Variants in TPRG1 observed in about 807,000 individuals in gnomAD.
The protein encoded by TPRG1 is tumor protein p63 regulated 1, also known as tumor protein p63-regulated gene 1 protein.
In TPRG1, 29 loss-of-function variants were observed where a neutral mutation model predicts 29.3. The observed-to-expected ratio is 0.99, with a 90% CI of 0.74 to 1.35. The LOEUF (loss-of-function observed/expected upper bound fraction) is 1.35. Among genes scored for constraint, TPRG1 ranks in the 40% most tolerant of loss-of-function variants. The pLI is 0.00. For synonymous variants in TPRG1, 130 were observed against 116.8 expected, an observed-to-expected ratio of 1.11 and a Z score of -0.73; for missense variants, 327 against 335.0, an observed-to-expected ratio of 0.98 and a Z score of 0.19.
At chr3:189,281,507 C>T (rs1250783848) in intron 4 of TPRG1, among the ~76,000 whole-genome samples, 1 of 152,094 alleles carries the variant, frequency 6.6e-6, no homozygotes, top group Non-Finnish European at 1.5e-5. Context: ...TATCCTGAGC[C>T]AATCACCCAT....
intron 1 of TPRG1, among the ~76,000 whole-genome samples, chr3:189,100,413 A>G (rs1470678640): frequency 2.0e-5 from 3 of 152,202 alleles, no homozygotes; most frequent in African/African-American, 4.8e-5. Flanking sequence ...ACCTCCTCCA[A>G]GAATCCTTGC....
At chr3:189,154,243 A>T (rs1008031688) in intron 5 of TPRG1, among the ~76,000 whole-genome samples, 7 of 152,226 alleles carry the variant, frequency 4.6e-5, no homozygotes, top group African/African-American at 1.7e-4. Context: ...GAAAGCTGGC[A>T]AAGTGAAGAT....
At chr3:189,006,182 C>A (rs771880810) in intron 3 of TPRG1, among the ~76,000 whole-genome samples, 5 of 152,094 alleles carry the variant, frequency 3.3e-5, no homozygotes, top group Non-Finnish European at 5.9e-5. Context: ...ACTAAGCACA[C>A]TTTCTTGCAG....
chr3:189,186,553 A>G (rs935563356), intron 1 of TPRG1, among the ~76,000 whole-genome samples: 24 of 152,232 alleles, frequency 1.6e-4, no homozygotes, highest in Non-Finnish European at 3.4e-4. Context: ...TTACAGTAGG[A>G]TAAAAATGAT....
chr3:189,173,971 G>C (rs1729160294), intron 1 of TPRG1, among the ~76,000 whole-genome samples: 1 of 152,164 alleles, frequency 6.6e-6, no homozygotes, highest in Admixed American at 6.5e-5. Context: ...TCGGCCAAAT[G>C]TTGGAGCTGC....
At chr3:189,295,024 A>G (rs1576990554) in intron 4 of TPRG1, among the ~76,000 whole-genome samples, 1 of 152,130 alleles carries the variant, frequency 6.6e-6, no homozygotes, top group East Asian at 1.9e-4. Flanking sequence ...AAGTAGAAAA[A>G]CTCCAACACT....
intron 4 of TPRG1, among the ~76,000 whole-genome samples, chr3:189,092,182 A>G (rs1470893187): frequency 6.6e-6 from 1 of 152,192 alleles, no homozygotes; most frequent in East Asian, 1.9e-4. Flanking sequence ...CAAAAATTCA[A>G]ATATCAATCC....
At chr3:189,250,506 C>CCCCG (rs1553931531) in intron 4 of TPRG1, among the ~76,000 whole-genome samples, 1 of 63,604 alleles carries the variant, frequency 1.6e-5, no homozygotes, top group East Asian at 6.5e-4. Flanking sequence ...TGATTTCCGC[C>CCCCG]CCCCCCCCCC....
In TPRG1 at chr3:189,228,752, A is replaced by C. The variant is rs528728792; in HGVS notation, c.303-9981A>C. Among the ~76,000 whole-genome samples the C allele has an allele frequency of 3.2e-3, 485 of 152,316 alleles. 4 individuals are homozygous for C. Among genetic ancestry groups the C allele is most frequent in the African/African-American group, 0.011 (464 of 41,578 alleles). ...GAATACTCTAGTAATTCAATGTAAT[A>C]CTGGAAGTTCTAGCCAGCAAAATAA... On this transcript the variant is annotated intron_variant, in intron 3 of 5. Transcript: ENST00000345063.
chr3:189,027,687 C>T (rs1009651403), intron 4 of TPRG1, among the ~76,000 whole-genome samples: 3 of 151,902 alleles, frequency 2.0e-5, no homozygotes, highest in African/African-American at 7.3e-5. Flanking sequence ...TTGAGTTAGT[C>T]TATGTTTTGG....
chr3:189,252,767 G>A (rs542033849), intron 4 of TPRG1, among the ~76,000 whole-genome samples: 39 of 152,220 alleles, frequency 2.6e-4, no homozygotes, highest in Admixed American at 2.0e-3. Flanking sequence ...TTAAATGATG[G>A]ATTTGACAGT....
chr3:189,095,075 C>T (rs778786318), intron 4 of TPRG1, among the ~76,000 whole-genome samples: 2 of 152,166 alleles, frequency 1.3e-5, no homozygotes, highest in South Asian at 2.1e-4. Flanking sequence ...TCTTCTGGCC[C>T]CTGCCTGCTG....
intron 3 of TPRG1, among the ~76,000 whole-genome samples, chr3:189,139,059 G>A (rs1191242727): frequency 6.6e-6 from 1 of 152,178 alleles, no homozygotes; most frequent in East Asian, 1.9e-4. Flanking sequence ...ACCCAGCCAA[G>A]TAGACAACTT....
chr3:189,163,466 T>C (rs1405598952), intron 5 of TPRG1, among the ~76,000 whole-genome samples: 3 of 152,220 alleles, frequency 2.0e-5, no homozygotes, highest in Non-Finnish European at 4.4e-5. Flanking sequence ...ACGGGCCAGC[T>C]AATCTGAAGA....
At chr3:189,301,367 A>G (rs934237383) in intron 4 of TPRG1, among the ~76,000 whole-genome samples, 8 of 151,550 alleles carry the variant, frequency 5.3e-5, no homozygotes, top group African/African-American at 1.9e-4. Context: ...GCAAATATTG[A>G]ATGCCTAGTA....
At chr3:189,117,442 C>T (rs1721313876) in intron 1 of TPRG1, among the ~76,000 whole-genome samples, 2 of 152,208 alleles carry the variant, frequency 1.3e-5, no homozygotes, top group South Asian at 4.1e-4. Flanking sequence ...GAGATAGTCC[C>T]TGGGGAAGCT....
intron 4 of TPRG1, among the ~76,000 whole-genome samples, chr3:189,081,797 G>C (rs528442403): frequency 1.3e-5 from 2 of 152,004 alleles, no homozygotes; most frequent in African/African-American, 4.8e-5. Context: ...ATAGCATGTC[G>C]TAGTACCTCT....
At chr3:189,038,981 A>T (rs138577605) in intron 4 of TPRG1, among the ~76,000 whole-genome samples, 2 of 152,214 alleles carry the variant, frequency 1.3e-5, no homozygotes, top group African/African-American at 4.8e-5. Context: ...GTTGGCACAG[A>T]TGTGAAAAAA....
intron 4 of TPRG1, among the ~76,000 whole-genome samples, chr3:189,029,518 T>C (rs1713829004): frequency 1.3e-5 from 2 of 152,114 alleles, no homozygotes; most frequent in African/African-American, 4.8e-5. Flanking sequence ...CAATCTTAAT[T>C]AATGGGTTAA....
Sources: allele counts gnomAD v4.1 joint callset (sites outside exome capture counted in the v4.1 genomes callset), GRCh38; gene constraint gnomAD v4.1.1; transcripts MANE v1.5; gene names NCBI Gene and HGNC (gene_info 2026-07-23, HGNC 2026-07-21).